The following SCAPER variants were observed in gnomAD, a reference collection of about 807,000 sequenced individuals.
SCAPER encodes S-phase cyclin A associated protein in the ER.
SCAPER carries 98 observed loss-of-function variants against 182.2 expected under a neutral mutation model. The observed-to-expected ratio is 0.54, with a 90% confidence interval of 0.46 to 0.64. The LOEUF (loss-of-function observed/expected upper bound fraction) is 0.64. SCAPER is among the 30% of genes least tolerant of loss of function. SCAPER has a pLI of 0.00. For synonymous variants in SCAPER, 605 were observed against 564.6 expected, an observed-to-expected ratio of 1.07 and a Z score of -1.01; for missense variants, 1,432 against 1,690.0, an observed-to-expected ratio of 0.85 and a Z score of 2.68.
At chr15:76,732,558 A>G (rs1354639137) in intron 16 of SCAPER, among the ~76,000 whole-genome samples, 1 of 152,082 alleles carries the variant, frequency 6.6e-6, no homozygotes, top group Non-Finnish European at 1.5e-5. Flanking sequence ...GAAGATGCTC[A>G]TTGCCAAGCG....
intron 22 of SCAPER, among the ~76,000 whole-genome samples, chr15:76,585,587 C>A (rs919756361): frequency 6.6e-6 from 1 of 152,140 alleles, no homozygotes; most frequent in African/African-American, 2.4e-5. Context: ...GACTGAAAAT[C>A]AGCAGTACTG....
In SCAPER at chr15:76,723,397, T is replaced by C. The variant is rs182610709; in HGVS notation, c.2165+5198A>G. ...GTGTGGTGTGGTGTGCTGAAAAGAA[T>C]GTATATTGTGTTGATTTGGGGTGGA... On this transcript the variant is annotated intron_variant, in intron 17 of 31. Transcript: ENST00000563290. Among the ~76,000 whole-genome samples, 11 of 152,314 alleles carry C rather than the reference T, an allele frequency of 7.2e-5. No homozygotes were observed. The East Asian group carries it at 2.1e-3, about 29-fold the overall frequency.
chr15:76,437,159 T>A (rs957419272), intron 25 of SCAPER, among the ~76,000 whole-genome samples: 5 of 152,160 alleles, frequency 3.3e-5, no homozygotes, highest in Admixed American at 6.5e-5. Context: ...AGTAGGTAGG[T>A]TCTAAGGCAC....
At chr15:76,531,725 C>A (rs780590187) in intron 23 of SCAPER, among the ~76,000 whole-genome samples, 4 of 152,000 alleles carry the variant, frequency 2.6e-5, no homozygotes, top group African/African-American at 7.3e-5. Context: ...AATGAAATTG[C>A]CCAGAGATAT....
At chr15:76,548,788 A>C (rs1366689755) in intron 23 of SCAPER, among the ~76,000 whole-genome samples, 1 of 152,262 alleles carries the variant, frequency 6.6e-6, no homozygotes, top group Non-Finnish European at 1.5e-5. Flanking sequence ...TTATACAAAA[A>C]TTAATTCAAG....
intron 26 of SCAPER, among the ~76,000 whole-genome samples, chr15:76,428,293 T>C (rs1445432054): frequency 6.6e-6 from 1 of 151,660 alleles, no homozygotes; most frequent in Non-Finnish European, 1.5e-5. Context: ...GTCAAAGAGG[T>C]ATCTACACTC....
chr15:76,861,789 T>C (rs916745172), intron 3 of SCAPER: 3 of 152,184 alleles, frequency 2.0e-5, no homozygotes, highest in African/African-American at 7.2e-5. Flanking sequence ...ATACTGCTTA[T>C]AAAGAACTGT....
intron 20 of SCAPER, among the ~76,000 whole-genome samples, chr15:76,698,690 G>A (rs1230613845): frequency 6.6e-6 from 1 of 152,194 alleles, no homozygotes; most frequent in Admixed American, 6.5e-5. Context: ...GTTAAAACTT[G>A]AGGAGCAAAA....
intron 25 of SCAPER, among the ~76,000 whole-genome samples, chr15:76,445,813 G>A (rs893152266): frequency 1.3e-5 from 2 of 152,080 alleles, no homozygotes; most frequent in African/African-American, 4.8e-5. Flanking sequence ...CATGCACCCC[G>A]GGTGGAGGTG....
chr15:76,709,186 C>T (rs1361912079), intron 17 of SCAPER, among the ~76,000 whole-genome samples: 1 of 152,118 alleles, frequency 6.6e-6, no homozygotes, highest in African/African-American at 2.4e-5. Flanking sequence ...GGCTGGAATG[C>T]AGTAGCGCAA....
At chr15:76,855,608 C>T (rs1457274035) in intron 4 of SCAPER, among the ~76,000 whole-genome samples, 1 of 151,722 alleles carries the variant, frequency 6.6e-6, no homozygotes, top group African/African-American at 2.4e-5. Context: ...AAAAAGTAGG[C>T]AAAGAACACA....
chr15:76,405,942 G>A (rs1377280715), intron 26 of SCAPER, among the ~76,000 whole-genome samples: 6 of 152,054 alleles, frequency 3.9e-5, no homozygotes, highest in East Asian at 3.9e-4. Flanking sequence ...CTATGTTGAA[G>A]GTACAAAATA....
chr15:76,572,919 T>TCTCTCACA (rs1477852757), intron 23 of SCAPER, among the ~76,000 whole-genome samples: 2 of 135,264 alleles, frequency 1.5e-5, no homozygotes, highest in African/African-American at 5.6e-5. Flanking sequence ...TCTCTCTCTC[T>TCTCTCACA]CACACACACA....
At chr15:76,396,074 A>T (rs894096366) in intron 27 of SCAPER, among the ~76,000 whole-genome samples, 1 of 152,174 alleles carries the variant, frequency 6.6e-6, no homozygotes, top group Admixed American at 6.5e-5. Flanking sequence ...TTTTCCCAGC[A>T]TCATTTATTG....
chr15:76,803,428 T>A (rs1214578271), intron 6 of SCAPER, among the ~76,000 whole-genome samples: 1 of 152,240 alleles, frequency 6.6e-6, no homozygotes, highest in East Asian at 1.9e-4. Flanking sequence ...CAGAGAAAGC[T>A]GTATTTCTTC....
At chr15:76,653,854 A>G (rs203753) in intron 21 of SCAPER, among the ~76,000 whole-genome samples, 1 of 152,138 alleles carries the variant, frequency 6.6e-6, no homozygotes, top group East Asian at 1.9e-4. Context: ...AATAAGCAAC[A>G]AGTGGGACAT....
At chr15:76,813,909 C>A (rs551562151) in intron 5 of SCAPER, among the ~76,000 whole-genome samples, 71 of 152,138 alleles carry the variant, frequency 4.7e-4, no homozygotes, top group Middle Eastern at 3.4e-3. Context: ...CGCTCACACC[C>A]GTAATCCTAG....
At chr15:76,747,037 C>A (rs944109726) in intron 15 of SCAPER, among the ~76,000 whole-genome samples, 7 of 152,218 alleles carry the variant, frequency 4.6e-5, no homozygotes, top group African/African-American at 1.7e-4. Context: ...GCAAGGTACA[C>A]TACATTGGTA....
intron 1 of SCAPER, among the ~76,000 whole-genome samples, chr15:76,903,363 C>T (rs2074905714): frequency 6.6e-6 from 1 of 152,188 alleles, no homozygotes. Flanking sequence ...CTATGGTCTG[C>T]ATGTTTGTGT....
Sources: gnomAD v4.1 joint callset for allele counts (sites outside exome capture counted in the v4.1 genomes callset) on GRCh38, gnomAD v4.1.1 for gene constraint, MANE v1.5 for transcripts, NCBI Gene and HGNC (gene_info 2026-07-23, HGNC 2026-07-21) for gene names.